The following GPATCH2L variants were observed in gnomAD, a reference collection of about 807,000 sequenced individuals.
The protein encoded by GPATCH2L is G patch domain-containing protein 2-like.
Under a neutral mutation model 57.4 loss-of-function variants are expected in GPATCH2L, and 31 were observed. The observed-to-expected ratio is 0.54, with a 90% confidence interval of 0.41 to 0.73. The LOEUF is 0.73. Among genes scored for constraint, GPATCH2L ranks in the 30% least tolerant of loss-of-function variants. The pLI is 0.00. For synonymous variants in GPATCH2L, 199 were observed against 210.7 expected, an observed-to-expected ratio of 0.94 and a Z score of 0.48; for missense variants, 481 against 599.9, an observed-to-expected ratio of 0.80 and a Z score of 2.07.
In GPATCH2L at chr14:76,154,436, TG is replaced by T; in HGVS notation, c.76del (p.Glu26ArgfsTer5). 6.2e-7 allele frequency: 1 copy of T among 1,613,990 alleles called. No homozygotes were observed. Among genetic ancestry groups the T allele is most frequent in the Non-Finnish European group, 8.5e-7 (1 of 1,179,996 alleles). On this transcript the variant is annotated frameshift_variant, in exon 2 of 10. Transcript: ENST00000261530. LOFTEE classifies it high-confidence loss of function. The surrounding 1 kb of genome is among the most constrained non-coding windows in gnomAD (Gnocchi z 4.4). ...TSEQNKLGEL[W>X]EEMALSPRQQ... is the part of the protein sequence containing the mutation. Reference sequence around the variant, plus strand: ...TGAGCAGAATAAGCTTGGTGAACTGTGGGAGGAGATGGCGCTGAGCCCCCGA... The same window carrying T: ...TGAGCAGAATAAGCTTGGTGAACTGTGGAGGAGATGGCGCTGAGCCCCCGA...
intron 2 of GPATCH2L, among the ~76,000 whole-genome samples, chr14:76,159,627 A>G (rs1268148206): frequency 3.9e-5 from 6 of 152,076 alleles, no homozygotes. Context: ...CCGTAAATGA[A>G]GGTGTAGAAA....
At chr14:76,176,548 G>A in intron 5 of GPATCH2L, 75 bp from the exon 6 acceptor site, 1 of 1,048,646 alleles carries the variant, frequency 9.5e-7, no homozygotes, top group South Asian at 1.3e-5. Flanking sequence ...GCACAGTTAT[G>A]GGAAAGATTG....
chr14:76,165,540 A>G (rs963222266), intron 2 of GPATCH2L, among the ~76,000 whole-genome samples: 1 of 151,808 alleles, frequency 6.6e-6, no homozygotes, highest in Non-Finnish European at 1.5e-5. Flanking sequence ...TGGCACATGT[A>G]TACCTGTGTA....
intron 9 of GPATCH2L, among the ~76,000 whole-genome samples, chr14:76,197,981 T>C (rs957241693): frequency 5.3e-5 from 8 of 152,142 alleles, no homozygotes; most frequent in African/African-American, 1.9e-4. Context: ...TGAGTTGCAA[T>C]TGACTGAATT....
chr14:76,223,966 A>C (rs1309827236), intron 1 of GPATCH2L, among the ~76,000 whole-genome samples: 1 of 152,242 alleles, frequency 6.6e-6, no homozygotes, highest in Non-Finnish European at 1.5e-5. Flanking sequence ...TATTTACAAT[A>C]AACTAAAAGT....
rs2040373478 is a variant in GPATCH2L, at chr14:76,206,150, T to A, written c.*4299T>A. 1 of 152,214 alleles carries A rather than the reference T, an allele frequency of 6.6e-6. No individual in the cohort carries two copies. The allele number at this position is 152,214 out of a possible 1,614,324, so 9.4% of individuals were successfully genotyped here. The stretch of plus-strand genomic sequence containing the variant: ...AATTTTATTTGTCAGTATTTCCTGA[T>A]CTCCCACTCCTGTTGTGAAAGGTCA... On this transcript the variant is annotated 3_prime_UTR_variant, in exon 10 of 10. Coordinates refer to ENST00000261530, the MANE Select transcript of GPATCH2L (RefSeq NM_017926.4).
intron 2 of GPATCH2L, among the ~76,000 whole-genome samples, chr14:76,165,366 C>T (rs1285257304): frequency 6.6e-6 from 1 of 151,764 alleles, no homozygotes; most frequent in Non-Finnish European, 1.5e-5. Flanking sequence ...GTGGTGCGCG[C>T]CTGTAATCCC....
Position 76,208,532 on chromosome 14 carries a change from A to AT in GPATCH2L, c.*6682dup, listed in dbSNP as rs968613868. 1.3e-5 allele frequency: 2 copies of AT among 152,270 alleles called. No individual in the cohort carries two copies. The highest frequency in any genetic ancestry group is 4.8e-5 in the African/African-American group (2 of 41,312). The allele number at this position is 152,270 out of a possible 1,614,324, so 9.4% of individuals were successfully genotyped here. ...GTTAATCTCAGCCCTCCCCCACCACATAACAGCCTCGGGCAGAACTTCCCA... is the reference window on the plus strand; with the variant it reads ...GTTAATCTCAGCCCTCCCCCACCACATTAACAGCCTCGGGCAGAACTTCCCA... On this transcript the variant is annotated 3_prime_UTR_variant, in exon 10 of 10. Coordinates refer to ENST00000261530, the MANE Select transcript of GPATCH2L (RefSeq NM_017926.4).
Position 76,212,468 on chromosome 14 carries a change from A to G in GPATCH2L, c.*10617A>G, listed in dbSNP as rs2139849575. ...GTGTGACTCACGAGATAATGTTTCT[A>G]GATATCTGTGTACCAAATAATGGAA... On this transcript the variant is annotated 3_prime_UTR_variant, in exon 10 of 10. Coordinates refer to ENST00000261530, the MANE Select transcript of GPATCH2L (RefSeq NM_017926.4). The G allele has an allele frequency of 6.6e-6, 1 of 152,208 alleles. No homozygotes were observed. The highest frequency in any genetic ancestry group is 2.4e-5 in the African/African-American group (1 of 41,566). 9.4% of individuals were successfully genotyped at this position (152,208 alleles called of 1,614,324 possible). A position where few individuals can be genotyped will look rare whatever the true frequency, so the allele number is the denominator to read the frequency against.
rs778831501 is a variant in GPATCH2L, at chr14:76,154,871, C to T, written c.508C>T (p.Arg170Cys). 1.9e-6 allele frequency: 3 copies of T among 1,614,016 alleles called. No homozygotes were observed. Among genetic ancestry groups the T allele is most frequent in the Admixed American group, 1.7e-5 (1 of 60,002 alleles). The change falls in exon 2 of 10, where the codon CGC (arginine) becomes TGC (cysteine). Residue 170 changes from arginine (R) to cysteine (C), a missense_variant. By Grantham distance (180) the Arg-to-Cys change is radical. This residue lies in a region of GPATCH2L where 208 missense variants were observed against 272.4 expected (regional missense o/e 0.76). Coordinates refer to ENST00000261530, the MANE Select transcript of GPATCH2L (RefSeq NM_017926.4). This position sits in a 1 kb window ranked among gnomAD's most constrained non-coding sequence, Gnocchi z 4.4. ...GTCTGCTAAGAAGCAGCGTCTGTCC[C>T]GCTGGAAGGAGAATACTCCCTGGAC... ...FKSAKKQRLS[R>C]WKENTPWTSS...
At chr14:76,200,547 C>T (rs573505140) in intron 9 of GPATCH2L, among the ~76,000 whole-genome samples, 19 of 152,142 alleles carry the variant, frequency 1.2e-4, no homozygotes, top group South Asian at 1.0e-3. Flanking sequence ...GCTGTGGTGA[C>T]GTTCCAAAAT....
chr14:76,183,444 T>C (rs2039650265), intron 8 of GPATCH2L, among the ~76,000 whole-genome samples: 1 of 152,268 alleles, frequency 6.6e-6, no homozygotes, highest in South Asian at 2.1e-4. Context: ...AAAGAAAATT[T>C]TTAAACTTAC....
chr14:76,186,388 A>G (rs1340073019), intron 8 of GPATCH2L, among the ~76,000 whole-genome samples: 1 of 152,172 alleles, frequency 6.6e-6, no homozygotes, highest in Non-Finnish European at 1.5e-5. Context: ...TGGCTGTGCC[A>G]CTTGACAAGG....
chr14:76,234,111 A>T (rs2040587323), intron 2 of GPATCH2L, among the ~76,000 whole-genome samples: 1 of 152,200 alleles, frequency 6.6e-6, no homozygotes. Context: ...ACCTGTCTCT[A>T]AAAAATAAAA....
chr14:76,233,013 G>A (rs1320291801), intron 2 of GPATCH2L, among the ~76,000 whole-genome samples: 3 of 152,158 alleles, frequency 2.0e-5, no homozygotes, highest in Non-Finnish European at 4.4e-5. Context: ...TACCAGGCAG[G>A]ACATCCCAAG....
intron 1 of GPATCH2L, among the ~76,000 whole-genome samples, chr14:76,222,681 G>T (rs552929262): frequency 2.1e-4 from 32 of 152,162 alleles, no homozygotes; most frequent in African/African-American, 6.7e-4. Flanking sequence ...TCTGGGCTGG[G>T]CACAGTGGCC....
intron 1 of GPATCH2L, among the ~76,000 whole-genome samples, chr14:76,222,787 T>C (rs1488261648): frequency 2.0e-5 from 3 of 151,770 alleles, no homozygotes; most frequent in African/African-American, 7.3e-5. Flanking sequence ...TGAGACCCCA[T>C]CTCTACTAAA....
chr14:76,166,844 T>G, intron 3 of GPATCH2L, 117 bp downstream of exon 3: 1 of 764,316 alleles, frequency 1.3e-6, no homozygotes, highest in South Asian at 1.5e-5. Flanking sequence ...TCTCAAACTT[T>G]AAGGCATATG....
At chr14:76,189,677 T>C (rs1425892298) in intron 8 of GPATCH2L, among the ~76,000 whole-genome samples, 2 of 152,152 alleles carry the variant, frequency 1.3e-5, no homozygotes, top group Admixed American at 6.6e-5. Context: ...CTTTTCGGTT[T>C]GGATGCCCTT....
Sources: gnomAD v4.1 joint callset for allele counts (sites outside exome capture counted in the v4.1 genomes callset) on GRCh38, gnomAD v4.1.1 for gene constraint, gnomAD v4.1.1 regional missense constraint, Gnocchi (gnomAD v3.1) non-coding constraint, MANE v1.5 for transcripts, NCBI Gene and HGNC (gene_info 2026-07-23, HGNC 2026-07-21) for gene names.